Variants in POLD1 observed in about 807,000 individuals in gnomAD.
POLD1 encodes DNA polymerase delta 1, catalytic subunit, also known as DNA polymerase delta catalytic subunit.
In POLD1, 79 loss-of-function variants were observed where a neutral mutation model predicts 129.7. The observed-to-expected ratio is 0.61, with a 90% CI of 0.51 to 0.73. The LOEUF is 0.73. Among genes scored for constraint, POLD1 ranks in the 30% least tolerant of loss-of-function variants. The pLI is 0.00. For synonymous variants in POLD1, 714 were observed against 683.3 expected (o/e 1.04, Z -0.70); for missense variants, 1,338 against 1,595.8 (o/e 0.84, Z 2.75).
chr19:50,395,193 A>C (rs1384654525), intron 1 of POLD1: 1 of 147,594 alleles, frequency 6.8e-6, no homozygotes, highest in Non-Finnish European at 1.5e-5. Flanking sequence ...TCAAATTAAC[A>C]GGAAGGTTGA....
chr19:50,395,296 G>C (rs2038314085), intron 1 of POLD1: 1 of 150,316 alleles, frequency 6.7e-6, no homozygotes, highest in Non-Finnish European at 1.5e-5. Context: ...CAGGAAGGTT[G>C]AAAGAATAAA....
chr19:50,417,717 C>G, intron 26 of POLD1, 125 bp from the exon 27 acceptor site: 4 of 366,346 alleles, frequency 1.1e-5, no homozygotes, highest in Non-Finnish European at 2.2e-5. Context: ...CAGCCCGCTG[C>G]GGGAGGGGGC....
At chr19:50,417,382 ATCCCC>A in intron 26 of POLD1, 113 bp downstream of exon 26, 1 of 677,368 alleles carries the variant, frequency 1.5e-6, no homozygotes, top group Non-Finnish European at 2.6e-6. Context: ...CTCCCCGCCC[ATCCCC>A]TTCCAGCTGT....
At chr19:50,417,336 A>G in intron 26 of POLD1, 67 bp downstream of exon 26, 1 of 1,121,958 alleles carries the variant, frequency 8.9e-7, no homozygotes. Flanking sequence ...TGGGTTGTGG[A>G]CCCAACCTCT....
chr19:50,404,412 G>A (rs1329884748), intron 10 of POLD1, among the ~76,000 whole-genome samples: 12 of 148,526 alleles, frequency 8.1e-5, no homozygotes, highest in South Asian at 6.3e-4. Flanking sequence ...ACAGGCGCCC[G>A]CCACCACGCC....
chr19:50,388,330 A>C (rs1414214314), intron 1 of POLD1, among the ~76,000 whole-genome samples: 2 of 152,224 alleles, frequency 1.3e-5, no homozygotes, highest in Non-Finnish European at 2.9e-5. Flanking sequence ...TATGTGAATT[A>C]TAGCTCAATA....
intron 22 of POLD1, 191 bp downstream of exon 22, chr19:50,416,017 G>T: frequency 1.7e-6 from 1 of 582,864 alleles, no homozygotes; most frequent in South Asian, 2.2e-5. Flanking sequence ...CCCCTCCCTT[G>T]CTTCCCTATG....
chr19:50,403,649 C>T (rs751024703), intron 10 of POLD1, 52 bp downstream of exon 10: 9 of 1,188,160 alleles, frequency 7.6e-6, no homozygotes, highest in Middle Eastern at 1.9e-4. Flanking sequence ...GGTGTGGCCT[C>T]CGGGCCCTGG....
At chr19:50,408,669 A>G (rs760789096) in intron 14 of POLD1, 116 bp from the exon 15 acceptor site, 2 of 1,478,530 alleles carry the variant, frequency 1.4e-6, no homozygotes, top group African/African-American at 1.4e-5. Context: ...AGGAGCGAGC[A>G]CTGCTCCCAG....
rs537243258 is a variant in POLD1, at chr19:50,401,621, G to A, written c.317-157G>A. On this transcript the variant is annotated intron_variant, in intron 3 of 26. Transcript: ENST00000440232. The stretch of plus-strand genomic sequence containing the variant: ...GAATGGATCCTGGGGGATGAGGCTG[G>A]AGATGGGAACCAGGGGGGAGGCTGA... Among the ~76,000 whole-genome samples, 7 of 151,914 alleles carry A rather than the reference G, an allele frequency of 4.6e-5. No individual in the cohort carries two copies. In the East Asian group the frequency reaches 1.4e-3, roughly 29 times the overall value.
chr19:50,412,922 CT>C (rs113385010), intron 17 of POLD1, among the ~76,000 whole-genome samples: 10,148 of 152,138 alleles, frequency 0.067, 1,107 homozygotes, highest in African/African-American at 0.22. Flanking sequence ...TTTCTTAACT[CT>C]AAAATAAGAC....
At position 50,406,185 on chromosome 19, in the gene POLD1, C is replaced by A; in HGVS notation, c.1246C>A (p.Gln416Lys). The change falls in exon 11 of 27, where the codon CAA becomes AAA. Residue 416 changes from glutamine (Q) to lysine (K), a missense_variant. Physicochemically the swap from Gln to Lys is moderately conservative, Grantham distance 53. Transcript: ENST00000440232. The surrounding 1 kb of genome is among the most constrained non-coding windows in gnomAD (Gnocchi z 5.5). Reference sequence around the variant, plus strand: ...ACACCCTGCCTCTCCTCCTCAGGTACAAACATTCCCTTTCCTGGGCCGTGT... The same window carrying A: ...ACACCCTGCCTCTCCTCCTCAGGTAAAAACATTCCCTTTCCTGGGCCGTGT... Reference protein sequence around the residue: ...LISRAQTLKVQTFPFLGRVAG... With the variant: ...LISRAQTLKVKTFPFLGRVAG... 6.2e-7 allele frequency: 1 copy of A among 1,613,132 alleles called. No homozygotes were observed. Among genetic ancestry groups the A allele is most frequent in the African/African-American group, 1.3e-5 (1 of 75,028 alleles).
In POLD1 at chr19:50,409,118, C is replaced by A. The variant is rs749018513; in HGVS notation, c.1893-4C>A. On this transcript the variant is annotated splice_region_variant and splice_polypyrimidine_tract_variant and intron_variant, in intron 15 of 26. Transcript: ENST00000440232. The surrounding 1 kb of genome is among the most constrained non-coding windows in gnomAD (Gnocchi z 5.8). The stretch of plus-strand genomic sequence containing the variant: ...GGCAGTCACCCCAACATCTTCCAAC[C>A]CAGCCTGACTGAGGATCAGTTCATC... The A allele has an allele frequency of 1.2e-6, 2 of 1,602,138 alleles. No individual in the cohort carries two copies. Among genetic ancestry groups the A allele is most frequent in the Non-Finnish European group, 8.6e-7 (1 of 1,169,288 alleles).
At chr19:50,384,785 A>G (rs1012967760) in intron 1 of POLD1, among the ~76,000 whole-genome samples, 1 of 152,232 alleles carries the variant, frequency 6.6e-6, no homozygotes, top group African/African-American at 2.4e-5. Context: ...GACAGACGGT[A>G]GACAAGTGAT....
chr19:50,406,609 T>C lies in POLD1; in HGVS notation c.1494+92T>C. The C allele has an allele frequency of 1.1e-6, 1 of 928,818 alleles. No individual in the cohort carries two copies. The highest frequency in any genetic ancestry group is 1.4e-5 in the South Asian group (1 of 69,090). 57.5% of individuals were successfully genotyped at this position (928,818 alleles called of 1,614,324 possible). ...GACCTCAACTTCACGCCCCCACGTCTGACCTCACTCTTTGACCTGCTGTTA... is the reference window on the plus strand; with the variant it reads ...GACCTCAACTTCACGCCCCCACGTCCGACCTCACTCTTTGACCTGCTGTTA... On this transcript the variant is annotated intron_variant, in intron 12 of 26. Coordinates refer to ENST00000440232, the MANE Select transcript of POLD1 (RefSeq NM_002691.4). This position sits in a 1 kb window ranked among gnomAD's most constrained non-coding sequence, Gnocchi z 5.5.
At chr19:50,400,753 G>A (rs1406324958) in intron 3 of POLD1, among the ~76,000 whole-genome samples, 3 of 149,654 alleles carry the variant, frequency 2.0e-5, no homozygotes, top group Admixed American at 6.7e-5. Context: ...CTGGAGTGCA[G>A]TGGCGCGATC....
In POLD1 at chr19:50,402,140, G is replaced by A; in HGVS notation, c.589+16G>A. 6.2e-7 allele frequency: 1 copy of A among 1,603,484 alleles called. No homozygotes were observed. Among genetic ancestry groups the A allele is most frequent in the Middle Eastern group, 1.7e-4 (1 of 5,998 alleles). ...TCCCGAGAGAGTGAGTGCTCCCCCA[G>A]GATCAGCGGGTTGGAGGGTCCCCTC... is the stretch of plus-strand genomic sequence containing the variant. On this transcript the variant is annotated intron_variant, in intron 5 of 26. Transcript: ENST00000440232.
intron 10 of POLD1, among the ~76,000 whole-genome samples, chr19:50,404,682 G>A (rs1304110037): frequency 3.0e-5 from 4 of 135,558 alleles, no homozygotes; most frequent in Non-Finnish European, 6.4e-5. Context: ...AGGTTCAAGC[G>A]ATTCTCCTGC....
Position 50,409,149 on chromosome 19 carries a change from C to T in POLD1, c.1920C>T (p.Thr640=), listed in dbSNP as rs775028322. The T allele has an allele frequency of 6.2e-7, 1 of 1,613,316 alleles. No individual in the cohort carries two copies. The highest frequency in any genetic ancestry group is 1.1e-5 in the South Asian group (1 of 91,058). The change falls in exon 16 of 27, where the codon ACC becomes ACT. Residue 640 remains threonine, a synonymous_variant. Transcript: ENST00000440232. This position sits in a 1 kb window ranked among gnomAD's most constrained non-coding sequence, Gnocchi z 5.8. ...TGACTGAGGATCAGTTCATCAGGAC[C>T]CCCACCGGGGACGAGTTTGTGAAGA... ...LGLTEDQFIR[T]PTGDEFVKTS... is the part of the protein sequence containing the mutation.
Sources: allele counts gnomAD v4.1 joint callset (sites outside exome capture counted in the v4.1 genomes callset), GRCh38; gene constraint gnomAD v4.1.1; non-coding constraint Gnocchi (gnomAD v3.1); transcripts MANE v1.5; gene names NCBI Gene and HGNC (gene_info 2026-07-23, HGNC 2026-07-21).